RCOR1: variants seen among roughly 807,000 people sequenced by gnomAD.
RCOR1 encodes the protein REST corepressor 1.
A neutral mutation model predicts 64.0 loss-of-function variants in RCOR1; 12 were observed. The ratio of observed to expected loss-of-function variants is 0.19; its 90% confidence interval spans 0.12 to 0.30. The LOEUF is 0.30. Among genes scored for constraint, RCOR1 ranks in the 10% least tolerant of loss-of-function variants. The pLI is 1.00. For synonymous variants in RCOR1, 279 were observed against 227.2 expected, an observed-to-expected ratio of 1.23 and a Z score of -2.05; for missense variants, 502 against 621.2, an observed-to-expected ratio of 0.81 and a Z score of 2.04.
intron 2 of RCOR1, among the ~76,000 whole-genome samples, chr14:102,634,759 C>T (rs1331312921): frequency 1.3e-5 from 2 of 151,596 alleles, no homozygotes; most frequent in Non-Finnish European, 1.5e-5. Context: ...TGCAGTGGCG[C>T]GATCTCGACT....
chr14:102,674,539 T>C (rs893327744), intron 2 of RCOR1, among the ~76,000 whole-genome samples: 1 of 151,956 alleles, frequency 6.6e-6, no homozygotes, highest in African/African-American at 2.4e-5. Context: ...TTGAAAAACA[T>C]TGCATATATA....
At chr14:102,691,435 C>G (rs577071396) in intron 3 of RCOR1, among the ~76,000 whole-genome samples, 14 of 152,122 alleles carry the variant, frequency 9.2e-5, no homozygotes, top group African/African-American at 3.4e-4. Context: ...CACACGTGCC[C>G]CCGATTCTAA....
chr14:102,641,894 A>G (rs900210419), intron 2 of RCOR1, among the ~76,000 whole-genome samples: 2 of 152,160 alleles, frequency 1.3e-5, no homozygotes, highest in Non-Finnish European at 2.9e-5. Flanking sequence ...TGATTGTTGT[A>G]TCTTCATTTA....
chr14:102,634,758 G>A (rs986022786), intron 2 of RCOR1, among the ~76,000 whole-genome samples: 13 of 151,502 alleles, frequency 8.6e-5, no homozygotes, highest in Non-Finnish European at 1.6e-4. Flanking sequence ...GTGCAGTGGC[G>A]CGATCTCGAC....
Position 102,592,712 on chromosome 14 carries a change from T to G in RCOR1, c.-175T>G. ...TGCGCTCGGCTCGTCGCTGGGGGCTTGAAGCGGCTCCGCGCTCTGCCCGTT... is the reference window on the plus strand; with the variant it reads ...TGCGCTCGGCTCGTCGCTGGGGGCTGGAAGCGGCTCCGCGCTCTGCCCGTT... On this transcript the variant is annotated 5_prime_UTR_variant, in exon 1 of 12. It removes the in-frame stop codon of an upstream open reading frame in the 5' UTR. Coordinates refer to ENST00000262241, the MANE Select transcript of RCOR1 (RefSeq NM_015156.4). The G allele has an allele frequency of 8.2e-7, 1 of 1,225,960 alleles. No homozygotes were observed. 75.9% of individuals were successfully genotyped at this position (1,225,960 alleles called of 1,614,324 possible). A position where few individuals can be genotyped will look rare whatever the true frequency, so the allele number is the denominator to read the frequency against.
intron 2 of RCOR1, among the ~76,000 whole-genome samples, chr14:102,650,197 CAA>C (rs35233018): frequency 6.0e-4 from 50 of 83,704 alleles, no homozygotes; most frequent in Admixed American, 5.7e-4. Flanking sequence ...GACTCCACCG[CAA>C]AAAAAAAAAA....
At chr14:102,712,425 G>A (rs974166120) in intron 7 of RCOR1, among the ~76,000 whole-genome samples, 1 of 150,782 alleles carries the variant, frequency 6.6e-6, no homozygotes, top group Non-Finnish European at 1.5e-5. Flanking sequence ...TTTTTTTTAT[G>A]TCAAATATAT....
intron 3 of RCOR1, among the ~76,000 whole-genome samples, chr14:102,687,859 T>C (rs1895451880): frequency 6.6e-6 from 1 of 151,856 alleles, no homozygotes; most frequent in Admixed American, 6.6e-5. Context: ...AAACAAAGAG[T>C]TGAAGATGGT....
chr14:102,614,028 T>A (rs1385405502), intron 2 of RCOR1, among the ~76,000 whole-genome samples: 1 of 151,512 alleles, frequency 6.6e-6, no homozygotes, highest in African/African-American at 2.4e-5. Context: ...CCCAAGCAGC[T>A]GGGATTACAG....
intron 4 of RCOR1, among the ~76,000 whole-genome samples, chr14:102,702,350 CTATAT>C (rs919337267): frequency 7.9e-5 from 12 of 151,952 alleles, no homozygotes; most frequent in African/African-American, 2.2e-4. Context: ...TGAAAATTTC[CTATAT>C]TATAATTCCA....
chr14:102,607,927 A>G (rs1893547889), intron 2 of RCOR1, among the ~76,000 whole-genome samples: 1 of 151,776 alleles, frequency 6.6e-6, no homozygotes, highest in Non-Finnish European at 1.5e-5. Context: ...GTGGCGGTGC[A>G]CGCCTCTAAT....
rs187345830 is a variant in RCOR1, at chr14:102,710,963, A to C, written c.808A>C (p.Asn270His). The part of the protein sequence containing the change: ...SEDELEEANG[N>H]NPIDIEVDQN... ...GGATGAACTGGAAGAGGCAAATGGA[A>C]ACAATCCCATTGACATTGAGGTTGA... The change falls in exon 7 of 12, where the codon AAC (asparagine) becomes CAC (histidine). Residue 270 changes from asparagine (N) to histidine (H), a missense_variant. Asn to His is a moderately conservative substitution (Grantham distance 68). Coordinates refer to ENST00000262241, the MANE Select transcript of RCOR1 (RefSeq NM_015156.4). 8 of 1,609,140 alleles carry C rather than the reference A, an allele frequency of 5.0e-6. No individual in the cohort carries two copies. The Admixed American group carries it at 1.4e-4, about 28-fold the overall frequency.
rs1160437928 is a variant in RCOR1 at position 102,653,983 on chromosome 14, C to CTT, written c.362-27893_362-27892dup. Among the ~76,000 whole-genome samples the CTT allele has an allele frequency of 8.7e-3, 290 of 33,154 alleles. 16 individuals are homozygous for CTT. The highest frequency in any genetic ancestry group is 0.015 in the Middle Eastern group (1 of 66). 21.8% of individuals were successfully genotyped at this position (33,154 alleles called of 152,430 possible). On this transcript the variant is annotated intron_variant, in intron 2 of 11. Transcript: ENST00000262241. The stretch of plus-strand genomic sequence containing the variant: ...TCTTTCTTTCTTTCTTTCTTTCTTT[C>CTT]TTTTTTTTTTTTTTTTTTTTGAGAC...
intron 2 of RCOR1, among the ~76,000 whole-genome samples, chr14:102,605,764 G>C (rs776282610): frequency 3.7e-4 from 57 of 152,212 alleles, no homozygotes; most frequent in Admixed American, 2.0e-4. Context: ...TCCTTCAGGA[G>C]GTATTCCAGA....
intron 2 of RCOR1, among the ~76,000 whole-genome samples, chr14:102,609,090 G>A (rs1317107243): frequency 2.7e-5 from 4 of 146,330 alleles, no homozygotes; most frequent in African/African-American, 5.1e-5. Context: ...TGTTGCCCAG[G>A]CTGGGGTGAC....
chr14:102,658,048 C>T (rs926642643), intron 2 of RCOR1: 2 of 601,404 alleles, frequency 3.3e-6, no homozygotes, highest in Admixed American at 1.3e-4. Context: ...GATCTCGGCT[C>T]ACTGTAACCT....
At chr14:102,712,306 C>T (rs1205495292) in intron 7 of RCOR1, among the ~76,000 whole-genome samples, 2 of 151,996 alleles carry the variant, frequency 1.3e-5, no homozygotes, top group Non-Finnish European at 2.9e-5. Flanking sequence ...CCTCAGCCTA[C>T]CGAGTAGCTG....
rs748999309 is a variant in RCOR1 at position 102,592,962 on chromosome 14, TCCGCCGCCGCCGCCTCCGCCG to T, written c.82_102del (p.Ala28_Ala34del). The T allele has an allele frequency of 1.1e-4, 131 of 1,165,998 alleles. 1 individual carries two copies. In the Middle Eastern group the frequency reaches 2.8e-3, roughly 25 times the overall value. 72.2% of individuals were successfully genotyped at this position (1,165,998 alleles called of 1,614,324 possible). On this transcript the variant is annotated inframe_deletion, in exon 1 of 12. Transcript: ENST00000262241. ...GAGGAACAACGCGGCCGCCTCCGCC[TCCGCCGCCGCCGCCTCCGCCG>T]CCGCCTCGGCCGCCTGCGCCTCGCC...
chr14:102,711,116 G>T, intron 7 of RCOR1, 103 bp downstream of exon 7: 4 of 717,894 alleles, frequency 5.6e-6, no homozygotes, highest in African/African-American at 1.8e-5. Context: ...TAAGTGCTAT[G>T]TGGAAAGCAG....
Sources: gnomAD v4.1 joint callset for allele counts (sites outside exome capture counted in the v4.1 genomes callset) on GRCh38, gnomAD v4.1.1 for gene constraint, MANE v1.5 for transcripts, NCBI Gene and HGNC (gene_info 2026-07-23, HGNC 2026-07-21) for gene names.